The following KLF17 variants were observed in gnomAD, a reference collection of about 807,000 sequenced individuals.
KLF17 encodes Krueppel-like factor 17.
A neutral mutation model predicts 34.2 loss-of-function variants in KLF17; 31 were observed. The ratio of observed to expected loss-of-function variants is 0.91; its 90% CI spans 0.68 to 1.22. The LOEUF is 1.22. KLF17 is among the 50% of genes most tolerant of loss of function. The pLI is 0.00. For synonymous variants in KLF17, 179 were observed against 186.7 expected, an observed-to-expected ratio of 0.96 and a Z score of 0.34; for missense variants, 478 against 505.2, an observed-to-expected ratio of 0.95 and a Z score of 0.52.
rs755574459 is a variant in KLF17, at chr1:44,118,994, T to G, written c.81+6T>G. 2 of 1,598,060 alleles carry G rather than the reference T, an allele frequency of 1.3e-6. No homozygotes were observed. Among genetic ancestry groups the G allele is most frequent in the East Asian group, 2.3e-5 (1 of 43,970 alleles). ...CGGCGCACCAGGCTGCCCAGGTGAG[T>G]CAGGTGCCAGCCCCTGGCAGGCCGG... On this transcript the variant is annotated splice_donor_region_variant and intron_variant, in intron 1 of 3. Coordinates refer to ENST00000372299, the MANE Select transcript of KLF17 (RefSeq NM_173484.4).
chr1:44,085,322 G>GA, the KLF17 span, among the ~76,000 whole-genome samples: 1 of 152,140 alleles, frequency 6.6e-6, no homozygotes, highest in African/African-American at 2.4e-5. Flanking sequence ...AAAGCAAATA[G>GA]AGAGTATGTA....
At chr1:44,068,447 G>A in the KLF17 span, among the ~76,000 whole-genome samples, 3 of 152,334 alleles carry the variant, frequency 2.0e-5, no homozygotes, top group Admixed American at 2.0e-4. Flanking sequence ...GAGCTCCTGG[G>A]GCAGGGCCCT....
chr1:44,073,367 TG>T, the KLF17 span, among the ~76,000 whole-genome samples: 1 of 151,858 alleles, frequency 6.6e-6, no homozygotes, highest in Non-Finnish European at 1.5e-5. Flanking sequence ...CCATCACACC[TG>T]GCTAATTTTT....
chr1:44,131,512 GA>G (rs1335242719), intron 3 of KLF17, among the ~76,000 whole-genome samples: 1 of 152,048 alleles, frequency 6.6e-6, no homozygotes, highest in African/African-American at 2.4e-5. Flanking sequence ...TCCAGAAAAT[GA>G]AAAAACTAGT....
At chr1:44,083,736 G>A in the KLF17 span, among the ~76,000 whole-genome samples, 2 of 148,768 alleles carry the variant, frequency 1.3e-5, no homozygotes, top group Non-Finnish European at 3.0e-5. Flanking sequence ...GGAGGTTGCA[G>A]TGAGCCAAGA....
chr1:44,111,372 T>G, the KLF17 span, among the ~76,000 whole-genome samples: 1 of 152,238 alleles, frequency 6.6e-6, no homozygotes, highest in South Asian at 2.1e-4. Flanking sequence ...TTATTACATA[T>G]GTTGGTGTAT....
At chr1:44,069,512 G>GAGAGAGAGAGAGAGAGAGAGA in the KLF17 span, among the ~76,000 whole-genome samples, 4 of 114,544 alleles carry the variant, frequency 3.5e-5, no homozygotes, top group African/African-American at 1.6e-4. This position sits in a 1 kb window ranked among gnomAD's most constrained non-coding sequence, Gnocchi z 4.7. Flanking sequence ...GAGAGAGAGA[G>GAGAGAGAGAGAGAGAGAGAGA]AAGACAGGAG....
At chr1:44,048,002 ATG>A in the KLF17 span, 24,346 of 133,870 alleles carry the variant, frequency 0.18, 2,227 homozygotes, top group East Asian at 0.32. Context: ...TTGTGTGTGT[ATG>A]TGTGTGTGTG....
At chr1:44,050,723 C>G in the KLF17 span, among the ~76,000 whole-genome samples, 1 of 152,128 alleles carries the variant, frequency 6.6e-6, no homozygotes, top group Non-Finnish European at 1.5e-5. Flanking sequence ...TTGAGACCAG[C>G]CTGGCTAATA....
At chr1:44,080,206 C>T in the KLF17 span, among the ~76,000 whole-genome samples, 2 of 147,676 alleles carry the variant, frequency 1.4e-5, no homozygotes, top group Admixed American at 6.8e-5. Flanking sequence ...AGATTACAGG[C>T]GTGAGCCACC....
Position 44,130,762 on chromosome 1 carries a change from T to C in KLF17, c.*6T>C, listed in dbSNP as rs2154311838. The C allele has an allele frequency of 1.2e-6, 2 of 1,612,694 alleles. No homozygotes were observed. The highest frequency in any genetic ancestry group is 4.5e-5 in the East Asian group (2 of 44,830). On this transcript the variant is annotated splice_donor_region_variant and intron_variant, in intron 3 of 3. Transcript: ENST00000372299. Reference sequence around the variant, plus strand: ...CTCCTGCTGCTGGTCCTTAGGTCAGTCTCCTCTCCTCATTCTGGGTTTTCT... The same window carrying C: ...CTCCTGCTGCTGGTCCTTAGGTCAGCCTCCTCTCCTCATTCTGGGTTTTCT...
chr1:44,059,336 G>A, the KLF17 span, among the ~76,000 whole-genome samples: 16 of 152,154 alleles, frequency 1.1e-4, no homozygotes, highest in Non-Finnish European at 1.6e-4. Context: ...GGGTATAGAG[G>A]CCACTCTAAG....
chr1:44,096,781 C>T, the KLF17 span, among the ~76,000 whole-genome samples: 3 of 151,976 alleles, frequency 2.0e-5, no homozygotes, highest in African/African-American at 7.2e-5. Flanking sequence ...AAAGTTCTCC[C>T]ATTCTGTAGG....
the KLF17 span, among the ~76,000 whole-genome samples, chr1:44,083,946 T>C: frequency 2.6e-5 from 4 of 152,378 alleles, no homozygotes; most frequent in African/African-American, 7.2e-5. Context: ...TTCTTTCCTC[T>C]GATTAGTCTT....
chr1:44,132,006 T>C (rs1433770766), intron 3 of KLF17, among the ~76,000 whole-genome samples: 1 of 152,174 alleles, frequency 6.6e-6, no homozygotes, highest in African/African-American at 2.4e-5. Context: ...GGAGTTAATA[T>C]TTATGGGATA....
At chr1:44,132,947 A>G (rs1391768022) in intron 3 of KLF17, among the ~76,000 whole-genome samples, 1 of 152,192 alleles carries the variant, frequency 6.6e-6, no homozygotes, top group Non-Finnish European at 1.5e-5. Context: ...TAGAATCCCA[A>G]CCAGGATCTG....
At chr1:44,058,708 G>A in the KLF17 span, among the ~76,000 whole-genome samples, 2 of 110,812 alleles carry the variant, frequency 1.8e-5, no homozygotes, top group East Asian at 3.2e-4. Context: ...TTTTTTTCCC[G>A]AGACGGAGTC....
In KLF17 at chr1:44,130,083, G is replaced by A. The variant is rs746209131; in HGVS notation, c.812G>A (p.Gly271Glu). ...GAGAAGAACTCCAGGCCTCAGGAAG[G>A]GACTGGTAGAAGGGGCTCCTCAGAG... ...TVEKNSRPQE[G>E]TGRRGSSEAR... Residue 271 changes from glycine (G) to glutamate (E), a missense_variant, in exon 2 of 4, where the codon GGG (glycine) becomes GAG (glutamate). Gly to Glu is a moderately conservative substitution (Grantham distance 98). Transcript: ENST00000372299. 5 of 1,614,210 alleles carry A rather than the reference G, an allele frequency of 3.1e-6. No homozygotes were observed. Among genetic ancestry groups the A allele is most frequent in the Middle Eastern group, 1.6e-4 (1 of 6,062 alleles).
At chr1:44,044,324 G>T in the KLF17 span, among the ~76,000 whole-genome samples, 2 of 152,224 alleles carry the variant, frequency 1.3e-5, no homozygotes, top group Non-Finnish European at 2.9e-5. Flanking sequence ...ATAACACAGG[G>T]TCCAGGTGGC....
Sources: gnomAD v4.1 joint callset for allele counts (sites outside exome capture counted in the v4.1 genomes callset) on GRCh38, gnomAD v4.1.1 for gene constraint, Gnocchi (gnomAD v3.1) non-coding constraint, MANE v1.5 for transcripts, NCBI Gene and HGNC (gene_info 2026-07-23, HGNC 2026-07-21) for gene names.